Variants in SPIDR observed in about 807,000 individuals in gnomAD.
The protein encoded by SPIDR is DNA repair-scaffolding protein.
Under a neutral mutation model 104.6 loss-of-function variants are expected in SPIDR, and 93 were observed. The ratio of observed to expected loss-of-function variants is 0.89; its 90% CI spans 0.75 to 1.06. The LOEUF (loss-of-function observed/expected upper bound fraction) is 1.06, where lower values mean the gene tolerates loss of function less well. Ranked by LOEUF, SPIDR falls within the 50% of genes least tolerant of loss-of-function variation. SPIDR has a pLI of 0.00. For synonymous variants in SPIDR, 431 were observed against 416.9 expected (o/e 1.03, Z -0.41); for missense variants, 1,154 against 1,111.2 (o/e 1.04, Z -0.55).
Position 47,735,624 on chromosome 8 carries a change from T to C in SPIDR, c.*174T>C. ...CAGATACAGTTTTGTGAACTGTAAA[T>C]CAAAATACCTTTTTCTACAGTTTAT... On this transcript the variant is annotated 3_prime_UTR_variant, in exon 20 of 20. Transcript: ENST00000297423. The C allele has an allele frequency of 7.9e-7, 1 of 1,259,300 alleles. No homozygotes were observed. Among genetic ancestry groups the C allele is most frequent in the South Asian group, 1.5e-5 (1 of 64,850 alleles). The allele number at this position is 1,259,300 out of a possible 1,614,324, so 78.0% of individuals were successfully genotyped here. A position where few individuals can be genotyped will look rare whatever the true frequency, so the allele number is the denominator to read the frequency against.
At chr8:47,583,698 A>T (rs1039882346) in intron 8 of SPIDR, among the ~76,000 whole-genome samples, 2 of 152,170 alleles carry the variant, frequency 1.3e-5, no homozygotes, top group Non-Finnish European at 1.5e-5. Flanking sequence ...CAGAACATGA[A>T]TTTTTTCTGC....
chr8:47,530,671 A>T (rs766970225), intron 8 of SPIDR, among the ~76,000 whole-genome samples: 1 of 152,170 alleles, frequency 6.6e-6, no homozygotes, highest in Non-Finnish European at 1.5e-5. Flanking sequence ...ACTATGCACT[A>T]CTGTAGACTT....
intron 5 of SPIDR, among the ~76,000 whole-genome samples, chr8:47,318,904 G>C (rs1233076551): frequency 6.8e-6 from 1 of 147,064 alleles, no homozygotes; most frequent in Admixed American, 6.9e-5. Context: ...TGAGAGATTT[G>C]GTCACCACCA....
At chr8:47,541,569 TTTATC>T (rs1363884682) in intron 8 of SPIDR, among the ~76,000 whole-genome samples, 1 of 152,142 alleles carries the variant, frequency 6.6e-6, no homozygotes, top group Admixed American at 6.5e-5. Flanking sequence ...ATATAGTAGT[TTTATC>T]TTATTTTTAC....
chr8:47,277,060 C>G (rs1255820387), intron 1 of SPIDR: 3 of 152,000 alleles, frequency 2.0e-5, no homozygotes, highest in African/African-American at 7.3e-5. Context: ...TCCCGAGTAG[C>G]TGGGATTACA....
chr8:47,345,869 A>G (rs187110079), intron 5 of SPIDR, among the ~76,000 whole-genome samples: 3,943 of 152,254 alleles, frequency 0.026, 125 homozygotes, highest in East Asian at 0.088. Context: ...TGGGGTTGAG[A>G]CGATGGGGTT....
intron 5 of SPIDR, among the ~76,000 whole-genome samples, chr8:47,360,244 C>CAAAAA (rs1186187617): frequency 3.3e-4 from 13 of 38,956 alleles, no homozygotes; most frequent in African/African-American, 8.9e-4. Flanking sequence ...GACTCCATCT[C>CAAAAA]AAAAAAAAAA....
intron 5 of SPIDR, among the ~76,000 whole-genome samples, chr8:47,343,030 G>A (rs534425330): frequency 2.6e-5 from 4 of 152,280 alleles, no homozygotes; most frequent in Admixed American, 2.6e-4. Flanking sequence ...TTAGGTGGAT[G>A]TCATATCATC....
intron 10 of SPIDR, among the ~76,000 whole-genome samples, chr8:47,615,472 CTTT>C (rs11345219): frequency 0.017 from 1,923 of 110,018 alleles, 33 homozygotes; most frequent in African/African-American, 0.047. Context: ...CGAAAATAGC[CTTT>C]TTTTTTTTTT....
chr8:47,532,749 G>T (rs745631467), intron 8 of SPIDR, among the ~76,000 whole-genome samples: 1 of 152,158 alleles, frequency 6.6e-6, no homozygotes, highest in Non-Finnish European at 1.5e-5. Flanking sequence ...CTCAATAAAG[G>T]CATTGTTGAA....
intron 8 of SPIDR, among the ~76,000 whole-genome samples, chr8:47,451,139 A>G (rs1554705702): frequency 6.6e-6 from 1 of 152,236 alleles, no homozygotes; most frequent in African/African-American, 2.4e-5. Flanking sequence ...AATATGTTCA[A>G]GGAGTTAAAG....
At chr8:47,690,577 C>T (rs758232429) in intron 11 of SPIDR, among the ~76,000 whole-genome samples, 4 of 151,708 alleles carry the variant, frequency 2.6e-5, no homozygotes, top group African/African-American at 9.7e-5. Context: ...CCAGCACTTG[C>T]GGAGGCTGAG....
chr8:47,396,660 A>C (rs2061282859), intron 6 of SPIDR, 34 bp downstream of exon 6: 1 of 1,548,150 alleles, frequency 6.5e-7, no homozygotes, highest in Admixed American at 2.2e-5. Context: ...CTCTTTTTAA[A>C]TTTTTCTCTT....
intron 6 of SPIDR, among the ~76,000 whole-genome samples, chr8:47,402,906 A>G (rs764274326): frequency 6.6e-6 from 1 of 152,200 alleles, no homozygotes; most frequent in Non-Finnish European, 1.5e-5. Flanking sequence ...ACAAAAAAAG[A>G]CAATTTTAGA....
At chr8:47,568,279 C>G (rs1043635433) in intron 8 of SPIDR, among the ~76,000 whole-genome samples, 1 of 152,180 alleles carries the variant, frequency 6.6e-6, no homozygotes, top group East Asian at 1.9e-4. Flanking sequence ...TGGAGATCTT[C>G]GTAATACACT....
At chr8:47,279,031 C>T (rs370574985) in intron 1 of SPIDR, among the ~76,000 whole-genome samples, 1 of 150,706 alleles carries the variant, frequency 6.6e-6, no homozygotes, top group Non-Finnish European at 1.5e-5. Flanking sequence ...GAACTACAGT[C>T]GTGTGCCACC....
rs547168664 is a variant in SPIDR, at chr8:47,708,656, A to T, written c.1978-4006A>T. ...TATGGAGCAGTTTCAGTGACCTAAA[A>T]ATCTGCTCCACGTGTTTATTCCCCC... is the stretch of plus-strand genomic sequence containing the variant. On this transcript the variant is annotated intron_variant, in intron 14 of 19. Transcript: ENST00000297423. Among the ~76,000 whole-genome samples the T allele has an allele frequency of 3.3e-5, 5 of 152,320 alleles. No individual in the cohort carries two copies. In the East Asian group the frequency reaches 9.6e-4, roughly 29 times the overall value.
intron 19 of SPIDR, among the ~76,000 whole-genome samples, chr8:47,734,190 C>A (rs2085771503): frequency 6.6e-6 from 1 of 152,206 alleles, no homozygotes; most frequent in South Asian, 2.1e-4. Flanking sequence ...CTCCTACGTC[C>A]AGGCCACAGC....
intron 5 of SPIDR, among the ~76,000 whole-genome samples, chr8:47,366,359 G>C (rs887342625): frequency 5.3e-5 from 8 of 152,078 alleles, no homozygotes; most frequent in Non-Finnish European, 1.2e-4. Flanking sequence ...AGATTGTGGG[G>C]GCTGTGGTTC....
Sources: allele counts gnomAD v4.1 joint callset (sites outside exome capture counted in the v4.1 genomes callset), GRCh38; gene constraint gnomAD v4.1.1; transcripts MANE v1.5; gene names NCBI Gene and HGNC (gene_info 2026-07-23, HGNC 2026-07-21).